The following ARHGEF11 variants were observed in gnomAD, a reference collection of about 807,000 sequenced individuals.
ARHGEF11 encodes Rho guanine nucleotide exchange factor 11.
Under a neutral mutation model 193.7 loss-of-function variants are expected in ARHGEF11, and 55 were observed. The ratio of observed to expected loss-of-function variants is 0.28; its 90% CI spans 0.23 to 0.36. ARHGEF11 has a LOEUF of 0.36. ARHGEF11 is among the 10% of genes least tolerant of loss of function. The pLI, the probability that ARHGEF11 is intolerant of heterozygous loss-of-function variation, is 1.00. For missense variants in ARHGEF11, 1,723 were observed against 2,005.6 expected (o/e 0.86, Z 2.69); for synonymous variants, 693 against 768.0 (o/e 0.90, Z 1.62).
Position 156,990,897 on chromosome 1 carries a change from AGCAGGAAAT to A in ARHGEF11, c.33-4733_33-4725del, listed in dbSNP as rs1342208416. ...TTCTCCAAGGAGCCCTGTTCCTTTT[AGCAGGAAAT>A]GCATTTACAAACAAGATCTGACTGC... is the stretch of plus-strand genomic sequence containing the variant. On this transcript the variant is annotated intron_variant, in intron 1 of 40. Transcript: ENST00000368194. Among the ~76,000 whole-genome samples the A allele has an allele frequency of 2.0e-5, 3 of 152,210 alleles. No individual in the cohort carries two copies. In the East Asian group the frequency reaches 5.8e-4, roughly 29 times the overall value.
At chr1:156,997,023 G>A (rs1305196174) in intron 1 of ARHGEF11, among the ~76,000 whole-genome samples, 1 of 151,178 alleles carries the variant, frequency 6.6e-6, no homozygotes, top group Non-Finnish European at 1.5e-5. Context: ...CACTATATCT[G>A]GCTAGTTAAA....
At position 156,952,391 on chromosome 1, in the gene ARHGEF11, T is replaced by A. The variant is rs185199617; in HGVS notation, c.1799-692A>T. On this transcript the variant is annotated intron_variant, in intron 21 of 40. Coordinates refer to ENST00000368194, the MANE Select transcript of ARHGEF11 (RefSeq NM_198236.3). ...ATGCCAACTACAGCCCCTGGAGAAC[T>A]CAGACCCAGAGTTCTGTGGCTCTCA... Among the ~76,000 whole-genome samples, 7 of 152,278 alleles carry A rather than the reference T, an allele frequency of 4.6e-5. No individual in the cohort carries two copies. The East Asian group carries it at 1.4e-3, about 29-fold the overall frequency.
Position 156,956,537 on chromosome 1 carries a change from G to A in ARHGEF11, c.1554C>T (p.Thr518=), listed in dbSNP as rs1013325134. The change falls in exon 19 of 41, where the codon ACC becomes ACT. Residue 518 remains threonine (T), a synonymous_variant. Coordinates refer to ENST00000368194, the MANE Select transcript of ARHGEF11 (RefSeq NM_198236.3). ...GACGGATCCCAGCATGGCTCATGTA[G>A]GTATTGAGGGCGAAGTCCATGGGGG... ...RSAPMDFALN[T]YMSHAGIRLR... The A allele has an allele frequency of 6.2e-7, 1 of 1,614,150 alleles. No homozygotes were observed. The highest frequency in any genetic ancestry group is 8.5e-7 in the Non-Finnish European group (1 of 1,180,032).
rs76028202 is a variant in ARHGEF11, at chr1:156,968,566, A to G, written c.826-442T>C. ...TTCCCACATACCGATCCTTTCACAT[A>G]TATTTCACCATTTTCCCATGGACAG... On this transcript the variant is annotated intron_variant, in intron 10 of 40. Transcript: ENST00000368194. 3.1e-3 allele frequency among the ~76,000 whole-genome samples: 473 copies of G among 152,280 alleles called. 3 individuals carry two copies. The highest frequency in any genetic ancestry group is 0.011 in the African/African-American group (450 of 41,550).
intron 1 of ARHGEF11, among the ~76,000 whole-genome samples, chr1:156,999,167 C>T (rs560544300): frequency 6.6e-6 from 1 of 152,316 alleles, no homozygotes; most frequent in African/African-American, 2.4e-5. Flanking sequence ...AAGAAAATTA[C>T]ATATAATAAA....
intron 1 of ARHGEF11, among the ~76,000 whole-genome samples, chr1:157,032,084 G>A (rs1469899815): frequency 6.6e-6 from 1 of 151,864 alleles, no homozygotes; most frequent in African/African-American, 2.4e-5. Context: ...GACTCTTCTG[G>A]GCTTTAATTT....
chr1:156,958,679 C>T, intron 17 of ARHGEF11, 63 bp downstream of exon 17: 7 of 1,605,728 alleles, frequency 4.4e-6, no homozygotes, highest in Non-Finnish European at 5.1e-6. Flanking sequence ...AAAGAACAGA[C>T]CCACAAAATA....
Position 156,948,525 on chromosome 1 carries a change from G to C in ARHGEF11, c.1926-27C>G, listed in dbSNP as rs1323561788. The C allele has an allele frequency of 6.2e-7, 1 of 1,614,008 alleles. No individual in the cohort carries two copies. Among genetic ancestry groups the C allele is most frequent in the Non-Finnish European group, 8.5e-7 (1 of 1,180,008 alleles). ...TGGGGGGAAGGGACAAAAGACTTTGGGACTTGGGAAGTCAGTGGGCCATGC... is the reference window on the plus strand; with the variant it reads ...TGGGGGGAAGGGACAAAAGACTTTGCGACTTGGGAAGTCAGTGGGCCATGC... On this transcript the variant is annotated intron_variant, in intron 22 of 40. Transcript: ENST00000368194. The surrounding 1 kb of genome is among the most constrained non-coding windows in gnomAD (Gnocchi z 4.2).
intron 14 of ARHGEF11, among the ~76,000 whole-genome samples, chr1:156,961,467 A>G (rs969585523): frequency 6.6e-6 from 1 of 152,178 alleles, no homozygotes; most frequent in Non-Finnish European, 1.5e-5. Context: ...AGAGACAGGC[A>G]ATGTGTATTC....
At chr1:156,982,908 A>C (rs1340213259) in intron 3 of ARHGEF11, among the ~76,000 whole-genome samples, 6 of 152,230 alleles carry the variant, frequency 3.9e-5, no homozygotes, top group Admixed American at 3.9e-4. Flanking sequence ...CAAATATAAG[A>C]AGCCATACTT....
intron 1 of ARHGEF11, among the ~76,000 whole-genome samples, chr1:157,032,566 G>A (rs534575653): frequency 6.6e-6 from 1 of 152,256 alleles, no homozygotes; most frequent in East Asian, 1.9e-4. Context: ...GAGAACCTCT[G>A]ACCTAGGGCA....
intron 1 of ARHGEF11, among the ~76,000 whole-genome samples, chr1:156,995,673 C>T (rs1387788913): frequency 1.3e-5 from 2 of 150,928 alleles, no homozygotes; most frequent in Non-Finnish European, 3.0e-5. Context: ...GCAATCCTCC[C>T]ACCTAAGCTC....
intron 1 of ARHGEF11, among the ~76,000 whole-genome samples, chr1:156,996,590 G>A (rs1666523704): frequency 1.3e-5 from 2 of 151,694 alleles, no homozygotes; most frequent in African/African-American, 2.4e-5. Flanking sequence ...TGGCTAACAC[G>A]GTGAAACCCC....
At chr1:157,021,737 T>G (rs1670012832) in intron 1 of ARHGEF11, among the ~76,000 whole-genome samples, 1 of 152,342 alleles carries the variant, frequency 6.6e-6, no homozygotes, top group South Asian at 2.1e-4. Context: ...TTTCTTCATA[T>G]GGACCCTAAT....
chr1:157,018,461 G>A (rs1047406759), intron 1 of ARHGEF11, among the ~76,000 whole-genome samples: 3 of 152,012 alleles, frequency 2.0e-5, no homozygotes, highest in African/African-American at 7.2e-5. Flanking sequence ...GGCTAACATG[G>A]TGAAACCCCG....
chr1:156,938,327 T>G (rs960890135), intron 38 of ARHGEF11, 91 bp downstream of exon 38: 15 of 1,204,858 alleles, frequency 1.2e-5, no homozygotes, highest in Non-Finnish European at 1.7e-5. Context: ...TGTGGGTGTG[T>G]GTGTGACCAT....
In ARHGEF11 at chr1:156,963,309, A is replaced by G. The variant is rs769011392; in HGVS notation, c.1039-5T>C. 2 of 1,613,052 alleles carry G rather than the reference A, an allele frequency of 1.2e-6. No homozygotes were observed. Among genetic ancestry groups the G allele is most frequent in the East Asian group, 4.5e-5 (2 of 44,872 alleles). On this transcript the variant is annotated splice_region_variant and splice_polypyrimidine_tract_variant and intron_variant, in intron 12 of 40. Coordinates refer to ENST00000368194, the MANE Select transcript of ARHGEF11 (RefSeq NM_198236.3). ...ATCCTGGAATATGATGTCGCTCTGG[A>G]AGGCAGAAGGATGAGCATGGTGGGA...
At chr1:157,001,848 G>A (rs1234988070) in intron 1 of ARHGEF11, among the ~76,000 whole-genome samples, 2 of 152,226 alleles carry the variant, frequency 1.3e-5, no homozygotes, top group African/African-American at 4.8e-5. Flanking sequence ...TTGGCACTGG[G>A]ATATGGGCTT....
intron 38 of ARHGEF11, 60 bp from the exon 39 acceptor site, chr1:156,937,556 C>T: frequency 1.3e-6 from 2 of 1,489,496 alleles, no homozygotes; most frequent in East Asian, 2.4e-5. Context: ...AGCTATCCTC[C>T]CGTTCCTGTG....
Sources: gnomAD v4.1 joint callset for allele counts (sites outside exome capture counted in the v4.1 genomes callset) on GRCh38, gnomAD v4.1.1 for gene constraint, Gnocchi (gnomAD v3.1) non-coding constraint, MANE v1.5 for transcripts, NCBI Gene and HGNC (gene_info 2026-07-23, HGNC 2026-07-21) for gene names.